The following TSC2 variants were observed in gnomAD, a reference collection of about 807,000 sequenced individuals.
TSC2 encodes the protein tuberin.
TSC2 carries 29 observed loss-of-function variants against 202.2 expected under a neutral mutation model. The observed-to-expected ratio is 0.14, with a 90% CI of 0.11 to 0.20. The LOEUF (loss-of-function observed/expected upper bound fraction) is 0.20, where lower values mean the gene tolerates loss of function less well. TSC2 is among the 10% of genes least tolerant of loss of function. The pLI, the probability that TSC2 is intolerant of heterozygous loss-of-function variation, is 1.00. For synonymous variants in TSC2, 1,349 were observed against 1,044.0 expected (o/e 1.29, Z -5.63); for missense variants, 2,429 against 2,420.0 (o/e 1.00, Z -0.08).
chr16:2,064,740 C>T, intron 15 of TSC2: 1 of 475,380 alleles, frequency 2.1e-6, no homozygotes, highest in South Asian at 2.1e-5. Flanking sequence ...GCCCAGCCAA[C>T]AGCTTTGCTC....
Position 2,058,774 on chromosome 16 carries a change from G to A in TSC2, c.876G>A (p.Leu292=), listed in dbSNP as rs2151106335. Reference sequence around the variant, plus strand: ...CCTACATGGAGGACGCGCCCCTGCTGAGAGGAGCCGTGTTTTTTGTGGGCA... The same window carrying A: ...CCTACATGGAGGACGCGCCCCTGCTAAGAGGAGCCGTGTTTTTTGTGGGCA... ...DRAYMEDAPL[L]RGAVFFVGMA... is the part of the protein sequence containing the mutation. Residue 292 remains leucine (L), a synonymous_variant, in exon 10 of 42, where the codon CTG becomes CTA. Transcript: ENST00000219476. The A allele has an allele frequency of 6.3e-7, 1 of 1,590,264 alleles. No individual in the cohort carries two copies. The highest frequency in any genetic ancestry group is 8.6e-7 in the Non-Finnish European group (1 of 1,167,994).
chr16:2,084,054 G>C (rs528849421), intron 33 of TSC2, among the ~76,000 whole-genome samples, 174 bp from the exon 34 acceptor site: 2 of 152,224 alleles, frequency 1.3e-5, no homozygotes, highest in African/African-American at 4.8e-5. Flanking sequence ...GCAGTGTGGG[G>C]CACAGCTGGT....
chr16:2,075,831 T>G lies in TSC2; in HGVS notation c.2578T>G (p.Phe860Val), dbSNP rs761403998. 6.2e-7 allele frequency: 1 copy of G among 1,612,914 alleles called. No individual in the cohort carries two copies. Among genetic ancestry groups the G allele is most frequent in the Non-Finnish European group, 8.5e-7 (1 of 1,179,972 alleles). Residue 860 changes from phenylalanine to valine, a missense_variant, in exon 23 of 42, where the codon TTT becomes GTT. Physicochemically the swap from Phe to Val is conservative, Grantham distance 50. Transcript: ENST00000219476. ...LARLPHLYRN[F>V]AAEQYASVFA... ...CAGGCTGCCGCACCTCTACAGGAAC[T>G]TTGCCGCGGAGCAGTATGCCAGTGT...
chr16:2,074,533 C>G lies in TSC2; in HGVS notation c.2545+144C>G, dbSNP rs927738019. 26 of 1,046,788 alleles carry G rather than the reference C, an allele frequency of 2.5e-5. 1 individual carries two copies. Among genetic ancestry groups the G allele is most frequent in the Middle Eastern group, 5.8e-4 (2 of 3,428 alleles). 64.8% of individuals were successfully genotyped at this position (1,046,788 alleles called of 1,614,324 possible). ...TGCCTCAGGGCCTGGGCGTCTCTGC[C>G]CGGCTGCCATGAGTGCTCTCCTTCC... On this transcript the variant is annotated intron_variant, in intron 22 of 41. Coordinates refer to ENST00000219476, the MANE Select transcript of TSC2 (RefSeq NM_000548.5).
At chr16:2,077,138 G>A (rs545364771) in intron 25 of TSC2, among the ~76,000 whole-genome samples, 6 of 152,344 alleles carry the variant, frequency 3.9e-5, no homozygotes, top group African/African-American at 1.2e-4. Context: ...GGCCAAGCTC[G>A]GCCATTACGG....
intron 12 of TSC2, 89 bp downstream of exon 12, chr16:2,062,097 A>G: frequency 6.3e-7 from 1 of 1,581,196 alleles, no homozygotes; most frequent in Admixed American, 1.8e-5. Flanking sequence ...TGAGCCTCAG[A>G]AGCCAAGGGC....
At position 2,086,738 on chromosome 16, in the gene TSC2, T is replaced by A; in HGVS notation, c.4856T>A (p.Phe1619Tyr). ...CGGCCCTGCTCACCCTCAGCCGTCTTCCACATCGCCACCCTGATGCCCACC... is the reference window on the plus strand; with the variant it reads ...CGGCCCTGCTCACCCTCAGCCGTCTACCACATCGCCACCCTGATGCCCACC... ...CWHDDIMQAV[F>Y]HIATLMPTKD... is the part of the protein sequence containing the mutation. The change falls in exon 38 of 42, where the codon TTC (phenylalanine) becomes TAC (tyrosine). Residue 1619 changes from phenylalanine to tyrosine, a missense_variant. Physicochemically the swap from Phe to Tyr is conservative, Grantham distance 22 (BLOSUM62 3). Coordinates refer to ENST00000219476, the MANE Select transcript of TSC2 (RefSeq NM_000548.5). The A allele has an allele frequency of 6.2e-7, 1 of 1,610,462 alleles. No homozygotes were observed. Among genetic ancestry groups the A allele is most frequent in the Non-Finnish European group, 8.5e-7 (1 of 1,179,942 alleles).
At chr16:2,078,364 C>A (rs1257457412) in intron 26 of TSC2, 1 of 162,734 alleles carries the variant, frequency 6.1e-6, no homozygotes, top group South Asian at 1.7e-4. Context: ...CGTTGCAGGC[C>A]AAGGGGTCCC....
In TSC2 at chr16:2,084,730, T is replaced by C. The variant is rs2090547818; in HGVS notation, c.4493+15T>C. 1 of 1,598,372 alleles carries C rather than the reference T, an allele frequency of 6.3e-7. No individual in the cohort carries two copies. Among genetic ancestry groups the C allele is most frequent in the Non-Finnish European group, 8.5e-7 (1 of 1,179,834 alleles). ...ATCAACCCCAGGTGGGCCTCTTGCTTCCGGGCGGGGCTCCTGACACCTCTC... is the reference window on the plus strand; with the variant it reads ...ATCAACCCCAGGTGGGCCTCTTGCTCCCGGGCGGGGCTCCTGACACCTCTC... On this transcript the variant is annotated intron_variant, in intron 34 of 41. Coordinates refer to ENST00000219476, the MANE Select transcript of TSC2 (RefSeq NM_000548.5).
intron 3 of TSC2, among the ~76,000 whole-genome samples, chr16:2,052,678 C>T (rs973998177): frequency 1.3e-5 from 2 of 152,182 alleles, no homozygotes; most frequent in Admixed American, 6.5e-5. Context: ...GTCTGAAAGC[C>T]GTGGCTGTTG....
At position 2,078,657 on chromosome 16, in the gene TSC2, G is replaced by A. The variant is rs374031277; in HGVS notation, c.2967-375G>A. 5.6e-5 allele frequency: 20 copies of A among 359,494 alleles called. No homozygotes were observed. In the East Asian group the frequency reaches 9.5e-4, roughly 17 times the overall value. The allele number at this position is 359,494 out of a possible 1,614,324, so 22.3% of individuals were successfully genotyped here. ...GATCCCAGACCTCTGTGTGCTTGCCGGAGGCAGCCTGCGGGCAGAATGCAA... is the reference window on the plus strand; with the variant it reads ...GATCCCAGACCTCTGTGTGCTTGCCAGAGGCAGCCTGCGGGCAGAATGCAA... On this transcript the variant is annotated intron_variant, in intron 26 of 41. Coordinates refer to ENST00000219476, the MANE Select transcript of TSC2 (RefSeq NM_000548.5).
intron 26 of TSC2, chr16:2,078,816 T>C: frequency 1.6e-6 from 1 of 628,610 alleles, no homozygotes; most frequent in Non-Finnish European, 2.8e-6. Flanking sequence ...CTCCGACCAG[T>C]AGGCCTGGTC....
At position 2,080,195 on chromosome 16, in the gene TSC2, A is replaced by T. The variant is rs796053495; in HGVS notation, c.3428A>T (p.Asp1143Val). The T allele has an allele frequency of 3.7e-6, 6 of 1,612,884 alleles. No individual in the cohort carries two copies. The highest frequency in any genetic ancestry group is 4.2e-6 in the Non-Finnish European group (5 of 1,179,978). Residue 1143 changes from aspartate (D) to valine (V), a missense_variant, in exon 30 of 42, where the codon GAC (aspartate) becomes GTC (valine). Coordinates refer to ENST00000219476, the MANE Select transcript of TSC2 (RefSeq NM_000548.5). ...GGHGLRVGAL[D>V]VPASQFLGSA... ...CATGGTCTTCGAGTTGGCGCCCTGG[A>T]CGTGCCGGCCTCCCAGTTCCTGGGC...
chr16:2,072,485 AG>A, intron 20 of TSC2, 122 bp downstream of exon 20: 1 of 1,465,528 alleles, frequency 6.8e-7, no homozygotes, highest in East Asian at 2.3e-5. Context: ...CCTCAAACTC[AG>A]CTGCACTCTG....
rs886051786 is a variant in TSC2 at position 2,053,338 on chromosome 16, A to G, written c.226-4A>G. On this transcript the variant is annotated splice_region_variant and splice_polypyrimidine_tract_variant and intron_variant, in intron 3 of 41. Transcript: ENST00000219476. ...CTCACCGCTGTCCCCTCTGCTGGTG[A>G]CAGCACGCAGTGGAAGCACTCTGGA... 7.0e-6 allele frequency: 11 copies of G among 1,575,968 alleles called. 1 individual carries two copies. In the South Asian group the frequency reaches 8.2e-5, roughly 12 times the overall value.
At chr16:2,083,115 G>C (rs934770486) in intron 32 of TSC2, 3 of 455,442 alleles carry the variant, frequency 6.6e-6, no homozygotes, top group African/African-American at 4.0e-5. Context: ...TGGGGCGCCC[G>C]GGGGCTGTGA....
intron 22 of TSC2, 130 bp downstream of exon 22, chr16:2,074,519 C>T (rs1174186330): frequency 7.7e-6 from 9 of 1,165,408 alleles, no homozygotes; most frequent in Non-Finnish European, 1.1e-5. Flanking sequence ...GCCTCAGGGC[C>T]TGGGCGTCTC....
intron 11 of TSC2, 151 bp downstream of exon 11, chr16:2,060,964 C>T: frequency 1.0e-6 from 1 of 984,902 alleles, no homozygotes. Flanking sequence ...GGCGCTCATC[C>T]ACCTTCCACC....
At chr16:2,080,623 A>G (rs2090013702) in intron 30 of TSC2, 1 of 529,260 alleles carries the variant, frequency 1.9e-6, no homozygotes, top group Admixed American at 3.2e-5. Context: ...AGCTGGGACC[A>G]CAGGCGCCCG....
Sources: gnomAD v4.1 joint callset for allele counts (sites outside exome capture counted in the v4.1 genomes callset) on GRCh38, gnomAD v4.1.1 for gene constraint, MANE v1.5 for transcripts, NCBI Gene and HGNC (gene_info 2026-07-23, HGNC 2026-07-21) for gene names.